Variants in PINX1 observed in about 807,000 individuals in gnomAD.
PINX1 encodes the protein PIN2 (TERF1) interacting telomerase inhibitor 1.
PINX1 carries 34 observed loss-of-function variants against 25.4 expected under a neutral mutation model. The observed-to-expected ratio is 1.34, with a 90% CI of 1.02 to 1.78. The LOEUF is 1.78. Ranked by LOEUF, PINX1 falls within the 40% of genes most tolerant of loss-of-function variation. The probability of loss-of-function intolerance (pLI) is 0.00; values close to 1 mark genes in which losing one functional copy is unlikely to be tolerated. For synonymous variants in PINX1, 197 were observed against 147.7 expected, an observed-to-expected ratio of 1.33 and a Z score of -2.42; for missense variants, 592 against 404.9, an observed-to-expected ratio of 1.46 and a Z score of -3.97.
chr8:10,824,800 C>A (rs550202515), intron 5 of PINX1, among the ~76,000 whole-genome samples: 11 of 152,362 alleles, frequency 7.2e-5, no homozygotes, highest in African/African-American at 2.6e-4. Context: ...TTAATTTGCT[C>A]TGCAACAGCA....
chr8:10,817,492 T>C (rs1485423549), intron 6 of PINX1, among the ~76,000 whole-genome samples: 1 of 152,208 alleles, frequency 6.6e-6, no homozygotes, highest in East Asian at 1.9e-4. Context: ...AAACTTAACA[T>C]ATGAACATCC....
At chr8:10,822,236 A>G (rs1341406725) in intron 5 of PINX1, 1 of 151,570 alleles carries the variant, frequency 6.6e-6, no homozygotes, top group African/African-American at 2.4e-5. Flanking sequence ...TTACTAATTA[A>G]TGGTCCTGAT....
chr8:10,825,577 G>A, intron 5 of PINX1: 1 of 413,630 alleles, frequency 2.4e-6, no homozygotes. Context: ...GGCTAGGGAG[G>A]TGGTGATGAA....
At position 10,800,356 on chromosome 8, in the gene PINX1, A is replaced by G. The variant is rs550459976; in HGVS notation, c.471+19837T>C. 2.6e-5 allele frequency among the ~76,000 whole-genome samples: 4 copies of G among 152,086 alleles called. No homozygotes were observed. In the East Asian group the frequency reaches 7.7e-4, roughly 29 times the overall value. On this transcript the variant is annotated intron_variant, in intron 6 of 6. Coordinates refer to ENST00000314787, the MANE Select transcript of PINX1 (RefSeq NM_017884.6). ...GTTTTAAATAATGTCAATGATAATT[A>G]TTTTGCGATTCTTTTACTGAAAGAG...
At chr8:10,775,840 A>C (rs1387534283) in intron 6 of PINX1, among the ~76,000 whole-genome samples, 1 of 152,190 alleles carries the variant, frequency 6.6e-6, no homozygotes, top group Admixed American at 6.5e-5. Context: ...AACTTTTTTC[A>C]ACATAGTTTT....
At chr8:10,829,997 C>CTA (rs1293029686) in intron 4 of PINX1, among the ~76,000 whole-genome samples, 1 of 152,186 alleles carries the variant, frequency 6.6e-6, no homozygotes, top group African/African-American at 2.4e-5. Context: ...ATCTGTGTTT[C>CTA]TACTGAGTTC....
intron 6 of PINX1, among the ~76,000 whole-genome samples, chr8:10,813,408 C>T (rs1797598146): frequency 6.6e-6 from 1 of 152,168 alleles, no homozygotes; most frequent in Middle Eastern, 3.4e-3. Flanking sequence ...AGTGATCTTC[C>T]CCATGAGGAA....
chr8:10,820,835 G>C (rs189574136), intron 5 of PINX1, among the ~76,000 whole-genome samples: 140 of 152,218 alleles, frequency 9.2e-4, no homozygotes, highest in African/African-American at 3.2e-3. Context: ...AGGGTGACAG[G>C]GTTTCAGATT....
At chr8:10,803,555 C>G (rs1802338122) in intron 6 of PINX1, among the ~76,000 whole-genome samples, 1 of 152,108 alleles carries the variant, frequency 6.6e-6, no homozygotes, top group Admixed American at 6.6e-5. Flanking sequence ...GAGCTCTGTC[C>G]CACATTCTGG....
At chr8:10,789,729 C>G (rs1801863845) in intron 6 of PINX1, among the ~76,000 whole-genome samples, 2 of 152,308 alleles carry the variant, frequency 1.3e-5, no homozygotes, top group South Asian at 2.1e-4. Context: ...TCAGTATTGT[C>G]CGTATCCGAT....
chr8:10,836,491 C>A (rs111437511), intron 1 of PINX1, among the ~76,000 whole-genome samples: 34 of 152,124 alleles, frequency 2.2e-4, no homozygotes, highest in Admixed American at 3.3e-4. Flanking sequence ...AGGGCTTGTA[C>A]GAAGGAGACA....
At chr8:10,799,687 G>A (rs778031998) in intron 6 of PINX1, among the ~76,000 whole-genome samples, 34 of 152,214 alleles carry the variant, frequency 2.2e-4, no homozygotes, top group Admixed American at 2.0e-4. Context: ...GGGTGCAGTA[G>A]ACAGAACCAC....
chr8:10,767,283 C>T (rs1310862589), intron 6 of PINX1, among the ~76,000 whole-genome samples: 2 of 152,108 alleles, frequency 1.3e-5, no homozygotes, highest in African/African-American at 2.4e-5. Flanking sequence ...CCTCAAAAGC[C>T]ACCTCAGTGG....
intron 6 of PINX1, among the ~76,000 whole-genome samples, chr8:10,819,419 G>A (rs369337195): frequency 4.6e-5 from 7 of 152,258 alleles, no homozygotes; most frequent in African/African-American, 1.7e-4. Flanking sequence ...CAGATTAGCT[G>A]AGTAACAGTG....
intron 5 of PINX1, among the ~76,000 whole-genome samples, chr8:10,823,461 C>G (rs531710670): frequency 7.2e-5 from 11 of 151,954 alleles, no homozygotes; most frequent in Non-Finnish European, 1.6e-4. Context: ...GGCTTTGTAT[C>G]GATTGACATT....
intron 6 of PINX1, among the ~76,000 whole-genome samples, chr8:10,798,024 C>A (rs2129078857): frequency 6.6e-6 from 1 of 152,342 alleles, no homozygotes; most frequent in African/African-American, 2.4e-5. Context: ...AAGTACTGAA[C>A]TGACTTTTCA....
chr8:10,765,462 G>A lies in PINX1; in HGVS notation c.926C>T (p.Ala309Val), dbSNP rs777237177. The A allele has an allele frequency of 2.2e-5, 36 of 1,612,804 alleles. 1 individual carries two copies. Among genetic ancestry groups the A allele is most frequent in the Middle Eastern group, 3.3e-4 (2 of 6,084 alleles). ...CGTTTCTTCTAGTGTAGCGTCCTCT[G>A]CTATCTCTACTGGTTTTTGCAGCTT... ...KKKLQKPVEI[A>V]EDATLEETLV... Residue 309 changes from alanine to valine, a missense_variant, in exon 7 of 7, where the codon GCA (alanine) becomes GTA (valine). Physicochemically the swap from Ala to Val is moderately conservative, Grantham distance 64 (BLOSUM62 0). Coordinates refer to ENST00000314787, the MANE Select transcript of PINX1 (RefSeq NM_017884.6).
intron 2 of PINX1, 96 bp downstream of exon 2, chr8:10,834,570 G>T (rs1349763773): frequency 4.8e-6 from 7 of 1,472,046 alleles, no homozygotes; most frequent in Non-Finnish European, 6.3e-6. Context: ...CTGATCCAAA[G>T]CATAAGTTTC....
At chr8:10,808,328 T>C (rs570641087) in intron 6 of PINX1, among the ~76,000 whole-genome samples, 3 of 152,296 alleles carry the variant, frequency 2.0e-5, no homozygotes, top group African/African-American at 7.2e-5. Flanking sequence ...TGAGGAAGAA[T>C]TGAAAGTGCT....
Sources: allele counts gnomAD v4.1 joint callset (sites outside exome capture counted in the v4.1 genomes callset), GRCh38; gene constraint gnomAD v4.1.1; transcripts MANE v1.5; gene names NCBI Gene and HGNC (gene_info 2026-07-23, HGNC 2026-07-21).